Variants in DNAH5 observed in about 807,000 individuals in gnomAD.
DNAH5 encodes axonemal beta dynein heavy chain 5.
Under a neutral mutation model 518.2 loss-of-function variants are expected in DNAH5, and 372 were observed. That is an observed-to-expected ratio of 0.72 (90% CI 0.66 to 0.78). The LOEUF (loss-of-function observed/expected upper bound fraction) is 0.78, where lower values mean the gene tolerates loss of function less well. DNAH5 is among the 30% of genes least tolerant of loss of function. DNAH5 has a pLI of 0.00. For missense variants in DNAH5, 5,523 were observed against 5,687.0 expected (o/e 0.97, Z 0.93); for synonymous variants, 2,039 against 2,025.9 (o/e 1.01, Z -0.17).
chr5:13,781,500 A>G (rs1580207179), intron 52 of DNAH5, among the ~76,000 whole-genome samples: 1 of 152,146 alleles, frequency 6.6e-6, no homozygotes, highest in East Asian at 1.9e-4. Context: ...GTACTCCCAT[A>G]ATTCCCACAT....
chr5:13,824,166 A>C, intron 39 of DNAH5, 33 bp downstream of exon 39: 1 of 1,608,754 alleles, frequency 6.2e-7, no homozygotes, highest in Non-Finnish European at 8.5e-7. Context: ...CTGATATCCA[A>C]GTAGGTGGAA....
intron 3 of DNAH5, among the ~76,000 whole-genome samples, chr5:13,924,032 C>T (rs918764359): frequency 6.6e-5 from 10 of 152,000 alleles, no homozygotes; most frequent in African/African-American, 1.9e-4. Flanking sequence ...GGCAACAGAG[C>T]GAAACTCAGT....
At chr5:13,793,452 C>T (rs1474246832) in intron 49 of DNAH5, 63 bp downstream of exon 49, 5 of 1,458,098 alleles carry the variant, frequency 3.4e-6, no homozygotes, top group Non-Finnish European at 4.8e-6. Flanking sequence ...TGAAGATTTT[C>T]AAAAAGGAAC....
intron 1 of DNAH5, among the ~76,000 whole-genome samples, chr5:13,988,791 A>G (rs1783258078): frequency 7.0e-6 from 1 of 141,904 alleles, no homozygotes; most frequent in South Asian, 2.3e-4. Flanking sequence ...GTGTGGTGCG[A>G]TCTCACCTCA....
chr5:13,701,177 A>G, intron 77 of DNAH5, 107 bp downstream of exon 77: 2 of 1,503,632 alleles, frequency 1.3e-6, no homozygotes, highest in Non-Finnish European at 1.8e-6. Context: ...TAGTACCAAA[A>G]AGAGACAGTC....
intron 70 of DNAH5, among the ~76,000 whole-genome samples, chr5:13,726,968 A>T (rs1745823799): frequency 1.3e-5 from 2 of 152,244 alleles, no homozygotes; most frequent in South Asian, 4.1e-4. Context: ...TAAACAGATG[A>T]ATCATCTGGA....
At chr5:13,982,424 G>A (rs1326348500) in intron 1 of DNAH5, among the ~76,000 whole-genome samples, 1 of 151,194 alleles carries the variant, frequency 6.6e-6, no homozygotes, top group East Asian at 1.9e-4. Context: ...GCATGAGTGA[G>A]TAGACATATG....
chr5:13,902,716 C>T (rs1774803461), intron 12 of DNAH5, among the ~76,000 whole-genome samples: 1 of 152,118 alleles, frequency 6.6e-6, no homozygotes, highest in Non-Finnish European at 1.5e-5. Flanking sequence ...CTGACCCCTG[C>T]CCTAGAGGAA....
chr5:13,952,409 A>T (rs1478285043), intron 1 of DNAH5, among the ~76,000 whole-genome samples: 3 of 152,234 alleles, frequency 2.0e-5, no homozygotes, highest in African/African-American at 7.2e-5. Flanking sequence ...TCAGGGAGAC[A>T]TCAAAGGAAG....
chr5:13,969,362 G>A (rs1781734186), intron 1 of DNAH5, among the ~76,000 whole-genome samples: 1 of 151,804 alleles, frequency 6.6e-6, no homozygotes. Context: ...GTTGAGTTTG[G>A]GTTTGGTTTG....
intron 1 of DNAH5, among the ~76,000 whole-genome samples, chr5:14,009,952 TATTC>T (rs933294935): frequency 2.6e-5 from 4 of 152,224 alleles, no homozygotes; most frequent in African/African-American, 9.6e-5. Context: ...AAAATCTGTA[TATTC>T]ATTATAGAAA....
rs561533982 is a variant in DNAH5, at chr5:13,726,129, T to C, written c.12033+1378A>G. Among the ~76,000 whole-genome samples the C allele has an allele frequency of 9.2e-5, 14 of 152,352 alleles. No homozygotes were observed. In the South Asian group the frequency reaches 1.7e-3, roughly 18 times the overall value. On this transcript the variant is annotated intron_variant, in intron 70 of 78. Coordinates refer to ENST00000265104, the MANE Select transcript of DNAH5 (RefSeq NM_001369.3). Reference sequence around the variant, plus strand: ...GGGAATGGGATTGAATGTATCTACATTGTAGACCTACTAATATGCTTCCCA... The same window carrying C: ...GGGAATGGGATTGAATGTATCTACACTGTAGACCTACTAATATGCTTCCCA...
chr5:13,769,290 C>T (rs1752970906), intron 57 of DNAH5, among the ~76,000 whole-genome samples, 154 bp from the exon 58 acceptor site: 1 of 149,760 alleles, frequency 6.7e-6, no homozygotes. Context: ...CTCTGTCGCC[C>T]AGGCTGGAGT....
At position 13,769,019 on chromosome 5, in the gene DNAH5, C is replaced by T; in HGVS notation, c.9838G>A (p.Ala3280Thr). The T allele has an allele frequency of 8.7e-6, 14 of 1,614,222 alleles. No homozygotes were observed. Among genetic ancestry groups the T allele is most frequent in the Non-Finnish European group, 9.3e-6 (11 of 1,180,030 alleles). The change falls in exon 58 of 79, where the codon GCT becomes ACT. Residue 3280 changes from alanine (A) to threonine (T), a missense_variant. This residue lies in a region of DNAH5 where 5,121 missense variants were observed against 5,223.3 expected (regional missense o/e 0.98). Transcript: ENST00000265104. ...TTTGCTGCTTCCAGTTTTTCTTCAG[C>T]AATGGCTTTGTCTTTAGAGATGCTG... ...VDSISKDKAI[A>T]EEKLEAAKPA...
intron 15 of DNAH5, chr5:13,897,621 T>G (rs1355485595): frequency 6.6e-6 from 1 of 152,240 alleles, no homozygotes; most frequent in African/African-American, 2.4e-5. Flanking sequence ...CTGTCAAATA[T>G]TCAGCACAAT....
At chr5:13,796,932 G>C (rs1757916485) in intron 47 of DNAH5, among the ~76,000 whole-genome samples, 1 of 152,062 alleles carries the variant, frequency 6.6e-6, no homozygotes, top group African/African-American at 2.4e-5. Context: ...ACAAACCTGA[G>C]AAAAACAAGA....
rs544685372 is a variant in DNAH5 at position 13,934,213 on chromosome 5, G to A, written c.58-2969C>T. ...AGGAGAACAAAACCTTCTGGTCAGCGGTACCATCTGACCTTCTAGCTGACC... is the reference window on the plus strand; with the variant it reads ...AGGAGAACAAAACCTTCTGGTCAGCAGTACCATCTGACCTTCTAGCTGACC... On this transcript the variant is annotated intron_variant, in intron 1 of 78. Coordinates refer to ENST00000265104, the MANE Select transcript of DNAH5 (RefSeq NM_001369.3). Among the ~76,000 whole-genome samples the A allele has an allele frequency of 9.9e-5, 15 of 152,250 alleles. No individual in the cohort carries two copies. The East Asian group carries it at 1.4e-3, about 14-fold the overall frequency.
chr5:13,988,649 C>CTTGA (rs1783240581), intron 1 of DNAH5, among the ~76,000 whole-genome samples: 1 of 151,746 alleles, frequency 6.6e-6, no homozygotes, highest in South Asian at 2.1e-4. Flanking sequence ...AACTCCTGAC[C>CTTGA]TCAAGTGATC....
intron 31 of DNAH5, among the ~76,000 whole-genome samples, chr5:13,846,001 T>C (rs1054350973): frequency 2.2e-5 from 2 of 92,500 alleles, no homozygotes; most frequent in East Asian, 4.7e-4. Flanking sequence ...CAGCTAATAT[T>C]TTTTTTTTTT....
Sources: allele counts gnomAD v4.1 joint callset (sites outside exome capture counted in the v4.1 genomes callset), GRCh38; gene constraint gnomAD v4.1.1; regional missense constraint gnomAD v4.1.1; transcripts MANE v1.5; gene names NCBI Gene and HGNC (gene_info 2026-07-23, HGNC 2026-07-21).